Variants in PIBF1 observed in about 807,000 individuals in gnomAD.
The protein encoded by PIBF1 is progesterone immunomodulatory binding factor 1, also known as progesterone-induced-blocking factor 1.
A neutral mutation model predicts 112.5 loss-of-function variants in PIBF1; 90 were observed. The observed-to-expected ratio is 0.80, with a 90% CI of 0.67 to 0.95. The LOEUF (loss-of-function observed/expected upper bound fraction) is 0.95. PIBF1 is among the 40% of genes least tolerant of loss of function. The pLI is 0.00. For missense variants in PIBF1, 915 were observed against 852.3 expected, an observed-to-expected ratio of 1.07 and a Z score of -0.92; for synonymous variants, 301 against 288.6, an observed-to-expected ratio of 1.04 and a Z score of -0.44.
At chr13:72,844,789 A>ACACACACACGCACACG (rs1555296221) in intron 9 of PIBF1, among the ~76,000 whole-genome samples, 2 of 119,622 alleles carry the variant, frequency 1.7e-5, no homozygotes, top group African/African-American at 7.6e-5. Flanking sequence ...ACACACACAC[A>ACACACACACGCACACG]CACACACACA....
chr13:72,868,665 A>C (rs968251777), intron 10 of PIBF1, among the ~76,000 whole-genome samples: 1 of 152,002 alleles, frequency 6.6e-6, no homozygotes, highest in African/African-American at 2.4e-5. Context: ...CAGTATAACC[A>C]ATATCACCTC....
chr13:72,883,670 TAG>T (rs1379872868), intron 10 of PIBF1, among the ~76,000 whole-genome samples: 1 of 152,162 alleles, frequency 6.6e-6, no homozygotes, highest in Non-Finnish European at 1.5e-5. Context: ...CTATTCTTAG[TAG>T]AGAGGGGCTT....
chr13:72,863,755 T>TATTAAA, intron 10 of PIBF1, among the ~76,000 whole-genome samples: 1 of 152,274 alleles, frequency 6.6e-6, no homozygotes, highest in Admixed American at 6.5e-5. Context: ...TATTAAGGAT[T>TATTAAA]GTCTTAAAAT....
chr13:72,804,507 C>T (rs997804584), intron 5 of PIBF1, among the ~76,000 whole-genome samples: 12 of 152,186 alleles, frequency 7.9e-5, no homozygotes, highest in Admixed American at 2.0e-4. Context: ...TGTGACATTC[C>T]TTCCCATTAG....
intron 5 of PIBF1, among the ~76,000 whole-genome samples, chr13:72,799,410 G>A (rs2035357891): frequency 6.6e-6 from 1 of 152,102 alleles, no homozygotes; most frequent in Admixed American, 6.6e-5. Flanking sequence ...AAAATAAGAA[G>A]GCTTAGCTTC....
intron 17 of PIBF1, among the ~76,000 whole-genome samples, chr13:73,011,089 A>G (rs1041265959): frequency 1.3e-5 from 2 of 151,994 alleles, no homozygotes; most frequent in Non-Finnish European, 2.9e-5. Context: ...GGCCTCCCAA[A>G]GTGCTGGGAT....
intron 14 of PIBF1, among the ~76,000 whole-genome samples, chr13:72,946,364 A>G (rs2042148929): frequency 6.6e-6 from 1 of 152,142 alleles, no homozygotes; most frequent in Non-Finnish European, 1.5e-5. Context: ...CCCTCCCACA[A>G]CACATGGGGA....
At position 72,890,761 on chromosome 13, in the gene PIBF1, A is replaced by C. The variant is rs373045754; in HGVS notation, c.1323-3023A>C. Among the ~76,000 whole-genome samples, 15 of 152,322 alleles carry C rather than the reference A, an allele frequency of 9.8e-5. No individual in the cohort carries two copies. The East Asian group carries it at 2.1e-3, about 22-fold the overall frequency. Reference sequence around the variant, plus strand: ...AAAGTAAAATGTGATGGGTTATATTAGCAAAACAAGTTAAGTGGGAGTTAC... The same window carrying C: ...AAAGTAAAATGTGATGGGTTATATTCGCAAAACAAGTTAAGTGGGAGTTAC... On this transcript the variant is annotated intron_variant, in intron 10 of 17. Coordinates refer to ENST00000326291, the MANE Select transcript of PIBF1 (RefSeq NM_006346.4).
At chr13:72,882,913 T>A (rs2039700569) in intron 10 of PIBF1, among the ~76,000 whole-genome samples, 1 of 152,202 alleles carries the variant, frequency 6.6e-6, no homozygotes, top group Admixed American at 6.5e-5. Flanking sequence ...AGATTTATGC[T>A]GGATCATATG....
At chr13:72,889,575 C>A (rs1035306542) in intron 10 of PIBF1, among the ~76,000 whole-genome samples, 1 of 152,140 alleles carries the variant, frequency 6.6e-6, no homozygotes, top group African/African-American at 2.4e-5. Context: ...TACTAAAAAT[C>A]CTTCCCTGAA....
At chr13:72,821,230 A>G (rs1325567820) in intron 5 of PIBF1, among the ~76,000 whole-genome samples, 1 of 152,168 alleles carries the variant, frequency 6.6e-6, no homozygotes, top group Non-Finnish European at 1.5e-5. Flanking sequence ...GATTGTAAAG[A>G]ACCTTGTGAC....
chr13:72,894,138 CA>C (rs1041509012), intron 11 of PIBF1, among the ~76,000 whole-genome samples, 189 bp downstream of exon 11: 3 of 127,634 alleles, frequency 2.4e-5, no homozygotes, highest in Admixed American at 1.5e-4. Context: ...TGTTGAGAAA[CA>C]AAAAAAGCAA....
intron 16 of PIBF1, among the ~76,000 whole-genome samples, chr13:72,984,978 T>C (rs948147623): frequency 2.0e-5 from 3 of 152,168 alleles, no homozygotes; most frequent in Non-Finnish European, 4.4e-5. Context: ...ATGAAATGTG[T>C]ATTTTCCCAC....
In PIBF1 at chr13:72,901,909, A is replaced by T. The variant is rs149225570; in HGVS notation, c.1489-6622A>T. On this transcript the variant is annotated intron_variant, in intron 11 of 17. Coordinates refer to ENST00000326291, the MANE Select transcript of PIBF1 (RefSeq NM_006346.4). Reference sequence around the variant, plus strand: ...TTATTTGAAAAAGATACTTGCACACACATGTTTATAGCAGCACAATTCACA... The same window carrying T: ...TTATTTGAAAAAGATACTTGCACACTCATGTTTATAGCAGCACAATTCACA... Among the ~76,000 whole-genome samples the T allele has an allele frequency of 7.2e-3, 1,101 of 152,264 alleles. 4 individuals carry two copies. Among genetic ancestry groups the T allele is most frequent in the Non-Finnish European group, 0.012 (817 of 68,010 alleles).
At position 72,795,442 on chromosome 13, in the gene PIBF1, G is replaced by A. The variant is rs1257593749; in HGVS notation, c.437G>A (p.Arg146Lys). Reference protein sequence around the residue: ...KQLEETNLQLREKAGDVRRNL... With the variant: ...KQLEETNLQLKEKAGDVRRNL... ...CTAGAAGAGACAAATCTTCAGCTAA[G>A]AGAAAAAGCTGGAGATGTTCGTCGA... Residue 146 changes from arginine (R) to lysine (K), a missense_variant, in exon 4 of 18, where the codon AGA (arginine) becomes AAA (lysine). By Grantham distance (26) the Arg-to-Lys change is conservative (BLOSUM62 2). Transcript: ENST00000326291. 2.5e-6 allele frequency: 4 copies of A among 1,609,532 alleles called. No individual in the cohort carries two copies. The highest frequency in any genetic ancestry group is 1.7e-6 in the Non-Finnish European group (2 of 1,177,730).
chr13:72,974,874 C>T (rs531400513), intron 16 of PIBF1, among the ~76,000 whole-genome samples: 10 of 152,148 alleles, frequency 6.6e-5, no homozygotes, highest in Admixed American at 6.6e-4. Context: ...AAGCAACTGT[C>T]AAAATTTTCC....
At chr13:72,906,453 A>T (rs1033865615) in intron 11 of PIBF1, among the ~76,000 whole-genome samples, 5 of 152,140 alleles carry the variant, frequency 3.3e-5, no homozygotes, top group African/African-American at 1.2e-4. Context: ...TGAAATGTTC[A>T]TGTATTGATT....
At chr13:72,908,725 G>A (rs754723641) in intron 12 of PIBF1, 44 bp downstream of exon 12, 1 of 1,534,808 alleles carries the variant, frequency 6.5e-7, no homozygotes, top group Admixed American at 2.0e-5. Context: ...TTTTTTTTCT[G>A]GCAACAAAAG....
intron 13 of PIBF1, among the ~76,000 whole-genome samples, chr13:72,927,114 T>C (rs1224285300): frequency 6.6e-6 from 1 of 151,824 alleles, no homozygotes; most frequent in Non-Finnish European, 1.5e-5. Flanking sequence ...TAGGCTGTAG[T>C]GCAGTGGCAC....
Sources: gnomAD v4.1 joint callset for allele counts (sites outside exome capture counted in the v4.1 genomes callset) on GRCh38, gnomAD v4.1.1 for gene constraint, MANE v1.5 for transcripts, NCBI Gene and HGNC (gene_info 2026-07-23, HGNC 2026-07-21) for gene names.